The following NCAM2 variants were observed in gnomAD, a reference collection of about 807,000 sequenced individuals.
NCAM2 encodes the protein neural cell adhesion molecule 2, also known as N-CAM-2.
NCAM2 carries 30 observed loss-of-function variants against 98.1 expected under a neutral mutation model. The observed-to-expected ratio is 0.31, with a 90% CI of 0.23 to 0.41. The LOEUF (loss-of-function observed/expected upper bound fraction) is 0.41, where lower values mean the gene tolerates loss of function less well. Ranked by LOEUF, NCAM2 falls within the 10% of genes least tolerant of loss-of-function variation. NCAM2 has a pLI of 1.00. For synonymous variants in NCAM2, 368 were observed against 342.4 expected (o/e 1.07, Z -0.83); for missense variants, 867 against 1,005.8 (o/e 0.86, Z 1.87).
At chr21:21,507,217 T>C (rs1376887766) in intron 15 of NCAM2, among the ~76,000 whole-genome samples, 1 of 152,210 alleles carries the variant, frequency 6.6e-6, no homozygotes, top group African/African-American at 2.4e-5. Flanking sequence ...TGCTTTTGTA[T>C]GTTAGCAGTT....
chr21:21,265,185 A>G (rs1344278022), intron 1 of NCAM2, among the ~76,000 whole-genome samples: 1 of 123,146 alleles, frequency 8.1e-6, no homozygotes, highest in Admixed American at 9.2e-5. Flanking sequence ...ATGTATATAT[A>G]ATATATGTGT....
At chr21:21,321,224 G>A (rs1397711102) in intron 5 of NCAM2, among the ~76,000 whole-genome samples, 1 of 152,078 alleles carries the variant, frequency 6.6e-6, no homozygotes, top group African/African-American at 2.4e-5. Context: ...TTTGAGAAAT[G>A]TCTGTTCATG....
chr21:21,066,567 C>A (rs574277590), intron 1 of NCAM2, among the ~76,000 whole-genome samples: 1 of 152,166 alleles, frequency 6.6e-6, no homozygotes, highest in East Asian at 1.9e-4. Flanking sequence ...TGACATGCTA[C>A]TATTGATGCC....
intron 1 of NCAM2, among the ~76,000 whole-genome samples, chr21:21,117,959 T>G (rs1304696541): frequency 6.6e-6 from 1 of 152,062 alleles, no homozygotes; most frequent in Non-Finnish European, 1.5e-5. Context: ...TTGCCTGATA[T>G]TTATGACTTT....
chr21:21,518,913 T>A (rs1183337567), intron 16 of NCAM2, among the ~76,000 whole-genome samples: 2 of 152,142 alleles, frequency 1.3e-5, no homozygotes, highest in East Asian at 1.9e-4. Context: ...AAAGGCAGGA[T>A]GTTAAGTTGT....
At chr21:21,362,090 G>C (rs760817001) in intron 8 of NCAM2, among the ~76,000 whole-genome samples, 1 of 151,420 alleles carries the variant, frequency 6.6e-6, no homozygotes, top group Non-Finnish European at 1.5e-5. Flanking sequence ...CGAAACCATT[G>C]TTACTTGCCT....
intron 9 of NCAM2, among the ~76,000 whole-genome samples, chr21:21,410,020 C>G (rs927040428): frequency 2.6e-5 from 4 of 152,034 alleles, no homozygotes; most frequent in African/African-American, 9.7e-5. Flanking sequence ...GTAGTCCCAG[C>G]TACTCAGAAG....
At position 21,390,035 on chromosome 21, in the gene NCAM2, C is replaced by T. The variant is rs573426348; in HGVS notation, c.1195+16022C>T. On this transcript the variant is annotated intron_variant, in intron 9 of 17. Coordinates refer to ENST00000400546, the MANE Select transcript of NCAM2 (RefSeq NM_004540.5). ...CAGCTAATTTTTGTATTTTTAGTAG[C>T]GACAGGCTTTGACCATGTTGACCAG... Among the ~76,000 whole-genome samples, 4 of 152,042 alleles carry T rather than the reference C, an allele frequency of 2.6e-5. No homozygotes were observed. In the East Asian group the frequency reaches 5.8e-4, roughly 22 times the overall value.
At chr21:20,998,873 GCTTCTT>G (rs775962594) in intron 1 of NCAM2, among the ~76,000 whole-genome samples, 1 of 151,940 alleles carries the variant, frequency 6.6e-6, no homozygotes. Context: ...CAGGGAAACC[GCTTCTT>G]CTTCTTCTTT....
intron 1 of NCAM2, among the ~76,000 whole-genome samples, chr21:21,089,904 G>T (rs555585855): frequency 6.6e-6 from 1 of 152,238 alleles, no homozygotes; most frequent in African/African-American, 2.4e-5. Context: ...TTTTATCCAA[G>T]AGACCATATC....
chr21:21,502,206 G>T (rs550227166), intron 15 of NCAM2, among the ~76,000 whole-genome samples: 26 of 151,922 alleles, frequency 1.7e-4, no homozygotes, highest in Admixed American at 2.6e-4. Flanking sequence ...TACTTTTGGG[G>T]TATGTTTTAC....
chr21:21,049,169 G>A (rs998259135), intron 1 of NCAM2, among the ~76,000 whole-genome samples: 8 of 142,432 alleles, frequency 5.6e-5, no homozygotes, highest in South Asian at 2.4e-4. Context: ...ACAGGCGCCC[G>A]CCACCGCGCC....
intron 9 of NCAM2, among the ~76,000 whole-genome samples, chr21:21,392,841 G>C (rs2076410019): frequency 6.6e-6 from 1 of 152,152 alleles, no homozygotes; most frequent in African/African-American, 2.4e-5. Context: ...AGAGATGCTA[G>C]ATATTAGACC....
chr21:21,158,664 C>T (rs1247675139), intron 1 of NCAM2, among the ~76,000 whole-genome samples: 1 of 151,402 alleles, frequency 6.6e-6, no homozygotes, highest in Non-Finnish European at 1.5e-5. Context: ...CACTTAGTGA[C>T]AAAGTAGCCA....
intron 6 of NCAM2, 131 bp from the exon 7 acceptor site, chr21:21,335,374 T>C (rs1222752086): frequency 1.8e-6 from 1 of 559,984 alleles, no homozygotes; most frequent in African/African-American, 2.0e-5. Context: ...ATACTTTTGA[T>C]TGGAATATAG....
intron 1 of NCAM2, among the ~76,000 whole-genome samples, chr21:21,205,443 GA>G (rs2069403789): frequency 6.6e-6 from 1 of 152,034 alleles, no homozygotes; most frequent in East Asian, 1.9e-4. Flanking sequence ...CTTTGTTTAA[GA>G]CCTGTTTCGT....
At chr21:21,076,241 T>C (rs2065680094) in intron 1 of NCAM2, among the ~76,000 whole-genome samples, 1 of 152,178 alleles carries the variant, frequency 6.6e-6, no homozygotes, top group Non-Finnish European at 1.5e-5. Flanking sequence ...GGGATTTGTT[T>C]AAGCTGACTG....
intron 1 of NCAM2, among the ~76,000 whole-genome samples, chr21:21,134,801 G>C (rs1314562943): frequency 6.7e-6 from 1 of 150,252 alleles, no homozygotes; most frequent in East Asian, 2.0e-4. Context: ...GCAGTCTCAA[G>C]CTCCTGGGCT....
chr21:21,482,376 A>G (rs1355153851), intron 15 of NCAM2, among the ~76,000 whole-genome samples: 3 of 152,088 alleles, frequency 2.0e-5, no homozygotes, highest in African/African-American at 7.2e-5. Context: ...AAATTCAAAC[A>G]TATTAGAAAT....
Sources: gnomAD v4.1 joint callset for allele counts (sites outside exome capture counted in the v4.1 genomes callset) on GRCh38, gnomAD v4.1.1 for gene constraint, MANE v1.5 for transcripts, NCBI Gene and HGNC (gene_info 2026-07-23, HGNC 2026-07-21) for gene names.